Variants in PLEKHA5 observed in about 807,000 individuals in gnomAD.
PLEKHA5 encodes pleckstrin homology domain-containing family A member 5.
In PLEKHA5, 55 loss-of-function variants were observed where a neutral mutation model predicts 181.9. The ratio of observed to expected loss-of-function variants is 0.30; its 90% CI spans 0.24 to 0.38. PLEKHA5 has a LOEUF of 0.38. Ranked by LOEUF, PLEKHA5 falls within the 10% of genes least tolerant of loss-of-function variation. The pLI, the probability that PLEKHA5 is intolerant of heterozygous loss-of-function variation, is 1.00. For synonymous variants in PLEKHA5, 535 were observed against 529.4 expected (o/e 1.01, Z -0.15); for missense variants, 1,432 against 1,549.5 (o/e 0.92, Z 1.27).
chr12:19,193,798 G>A (rs529270576), intron 3 of PLEKHA5, among the ~76,000 whole-genome samples: 1 of 152,286 alleles, frequency 6.6e-6, no homozygotes, highest in African/African-American at 2.4e-5. Flanking sequence ...CTGCAAGGCT[G>A]TGCAAGGATG....
chr12:19,139,154 G>T (rs1263412918), intron 3 of PLEKHA5, among the ~76,000 whole-genome samples: 1 of 152,128 alleles, frequency 6.6e-6, no homozygotes, highest in Non-Finnish European at 1.5e-5. Flanking sequence ...GGCCTTAGGA[G>T]TCTTGCTGAG....
chr12:19,295,144 A>G (rs934965201), intron 15 of PLEKHA5, among the ~76,000 whole-genome samples: 4 of 152,194 alleles, frequency 2.6e-5, no homozygotes, highest in Admixed American at 6.5e-5. Flanking sequence ...TCCCAACTAT[A>G]TATTTTATGT....
intron 3 of PLEKHA5, among the ~76,000 whole-genome samples, chr12:19,213,049 C>T (rs576917887): frequency 7.2e-5 from 11 of 152,058 alleles, no homozygotes; most frequent in Admixed American, 2.0e-4. Flanking sequence ...TCATTTATGT[C>T]AGATAGTGAA....
intron 24 of PLEKHA5, among the ~76,000 whole-genome samples, chr12:19,347,546 T>G (rs1028028953): frequency 3.3e-5 from 5 of 152,100 alleles, no homozygotes; most frequent in African/African-American, 1.2e-4. Context: ...AGACCGTTAC[T>G]AGGGATGGTA....
At chr12:19,237,377 T>A (rs1592159011) in intron 3 of PLEKHA5, among the ~76,000 whole-genome samples, 1 of 152,248 alleles carries the variant, frequency 6.6e-6, no homozygotes, top group East Asian at 1.9e-4. Context: ...TTATTTAAAA[T>A]CTTATTGTTC....
At chr12:19,241,514 T>C (rs1182251220) in intron 3 of PLEKHA5, among the ~76,000 whole-genome samples, 1 of 152,182 alleles carries the variant, frequency 6.6e-6, no homozygotes, top group African/African-American at 2.4e-5. Context: ...CCCAGCACTA[T>C]GGGAAGCCGA....
intron 3 of PLEKHA5, among the ~76,000 whole-genome samples, chr12:19,191,721 G>A (rs1243829207): frequency 6.6e-6 from 1 of 152,134 alleles, no homozygotes; most frequent in Non-Finnish European, 1.5e-5. Context: ...GTTCTCTTAC[G>A]AGGTTGGATG....
At chr12:19,291,410 AATAG>A (rs2078411186) in intron 14 of PLEKHA5, among the ~76,000 whole-genome samples, 1 of 152,224 alleles carries the variant, frequency 6.6e-6, no homozygotes, top group Non-Finnish European at 1.5e-5. Context: ...TTTTCTGCTT[AATAG>A]TTCATTGTTC....
chr12:19,159,843 A>G (rs1002592246), intron 3 of PLEKHA5, among the ~76,000 whole-genome samples: 2 of 152,174 alleles, frequency 1.3e-5, no homozygotes, highest in African/African-American at 4.8e-5. Flanking sequence ...GCCTTTAGGA[A>G]TGCATCAGTG....
intron 20 of PLEKHA5, among the ~76,000 whole-genome samples, chr12:19,335,765 A>G (rs1158755659): frequency 6.6e-6 from 1 of 151,760 alleles, no homozygotes; most frequent in Non-Finnish European, 1.5e-5. Flanking sequence ...CCAAGTAGCT[A>G]GGACCACAGG....
At chr12:19,238,001 G>A (rs951153851) in intron 3 of PLEKHA5, among the ~76,000 whole-genome samples, 1 of 151,734 alleles carries the variant, frequency 6.6e-6, no homozygotes, top group African/African-American at 2.4e-5. Flanking sequence ...CTTACATTTT[G>A]CTATTTCTCG....
chr12:19,260,925 C>T, intron 6 of PLEKHA5, 24 bp from the exon 7 acceptor site: 2 of 1,406,912 alleles, frequency 1.4e-6, no homozygotes, highest in East Asian at 2.3e-5. Context: ...AGAAATAATC[C>T]TTAAATATGC....
At chr12:19,369,620 C>T in intron 30 of PLEKHA5, 73 bp from the exon 31 acceptor site, 1 of 805,790 alleles carries the variant, frequency 1.2e-6, no homozygotes. Context: ...TGTGGGATTA[C>T]AGCATCAGGA....
intron 31 of PLEKHA5, chr12:19,372,224 C>T (rs2095597570): frequency 1.3e-5 from 2 of 152,204 alleles, no homozygotes; most frequent in Admixed American, 6.6e-5. Flanking sequence ...TGGTCTCGAT[C>T]TCTTGACCTC....
intron 3 of PLEKHA5, chr12:19,150,722 A>T (rs556872815): frequency 2.6e-5 from 4 of 152,210 alleles, no homozygotes; most frequent in Non-Finnish European, 4.4e-5. Flanking sequence ...TGCATTGCAG[A>T]CACTTGTTGG....
intron 15 of PLEKHA5, chr12:19,306,817 C>A: frequency 1.2e-6 from 1 of 818,402 alleles, no homozygotes; most frequent in Non-Finnish European, 2.2e-6. Context: ...CCATGTCTGA[C>A]AAACACTGTA....
intron 3 of PLEKHA5, among the ~76,000 whole-genome samples, chr12:19,183,818 A>G (rs544792069): frequency 1.3e-5 from 2 of 152,000 alleles, no homozygotes; most frequent in Non-Finnish European, 2.9e-5. Context: ...GGTTCAAACG[A>G]TTCTCCTGCC....
intron 3 of PLEKHA5, among the ~76,000 whole-genome samples, chr12:19,211,499 G>T (rs868747565): frequency 6.6e-6 from 1 of 151,946 alleles, no homozygotes; most frequent in Non-Finnish European, 1.5e-5. Context: ...TGGAAGAGGC[G>T]ACCATGAACT....
chr12:19,357,885 C>T (rs2153229229), intron 26 of PLEKHA5, among the ~76,000 whole-genome samples: 1 of 152,188 alleles, frequency 6.6e-6, no homozygotes, highest in Non-Finnish European at 1.5e-5. Flanking sequence ...AGTAATCCAC[C>T]CACCTCAGGG....
Sources: gnomAD v4.1 joint callset for allele counts (sites outside exome capture counted in the v4.1 genomes callset) on GRCh38, gnomAD v4.1.1 for gene constraint, MANE v1.5 for transcripts, NCBI Gene and HGNC (gene_info 2026-07-23, HGNC 2026-07-21) for gene names.